CNTRL: variants seen among roughly 807,000 people sequenced by gnomAD.
The protein encoded by CNTRL is centriolin, also known as 110 kDa centrosomal protein.
A neutral mutation model predicts 303.7 loss-of-function variants in CNTRL; 233 were observed. That is an observed-to-expected ratio of 0.77 (90% CI 0.69 to 0.86). The LOEUF is 0.86. CNTRL is among the 40% of genes least tolerant of loss of function. The probability of loss-of-function intolerance (pLI) is 0.00; values close to 1 mark genes in which losing one functional copy is unlikely to be tolerated. For synonymous variants in CNTRL, 900 were observed against 922.2 expected, an observed-to-expected ratio of 0.98 and a Z score of 0.44; for missense variants, 2,524 against 2,650.6, an observed-to-expected ratio of 0.95 and a Z score of 1.05.
intron 6 of CNTRL, among the ~76,000 whole-genome samples, chr9:121,097,673 A>G (rs1483378827): frequency 6.6e-6 from 1 of 152,216 alleles, no homozygotes; most frequent in Non-Finnish European, 1.5e-5. Context: ...AGAGGTAGCC[A>G]TAGATCTAAA....
Position 121,140,718 on chromosome 9 carries a change from T to A in CNTRL, c.2415T>A (p.Arg805=). ...HLNHVVDGLV[R]PEEVAARVDE... is the part of the protein sequence containing the mutation. ...ACCATGTGGTTGATGGTTTGGTTCGTCCAGAAGAAGTGGCAGCTCGTGTGG... is the reference window on the plus strand; with the variant it reads ...ACCATGTGGTTGATGGTTTGGTTCGACCAGAAGAAGTGGCAGCTCGTGTGG... The change falls in exon 17 of 44, where the codon CGT becomes CGA. Residue 805 remains arginine, a synonymous_variant. Transcript: ENST00000373855. 1.2e-6 allele frequency: 2 copies of A among 1,613,708 alleles called. No homozygotes were observed. The highest frequency in any genetic ancestry group is 8.5e-7 in the Non-Finnish European group (1 of 1,179,718).
Position 121,077,970 on chromosome 9 carries a change from G to A in CNTRL, c.-204-2336G>A, listed in dbSNP as rs148229412. Among the ~76,000 whole-genome samples the A allele has an allele frequency of 9.9e-4, 150 of 151,648 alleles. 1 individual carries two copies. The East Asian group carries it at 0.022, about 22-fold the overall frequency. ...CAGGGGGGAAAAAAACGCCAACTAC[G>A]TACTATACATACTATAATAAATGTC... On this transcript the variant is annotated intron_variant, in intron 1 of 43. Transcript: ENST00000373855.
chr9:121,138,593 C>G lies in CNTRL; in HGVS notation c.2251C>G (p.Leu751Val). 5.6e-6 allele frequency: 9 copies of G among 1,613,912 alleles called. No homozygotes were observed. The highest frequency in any genetic ancestry group is 7.6e-6 in the Non-Finnish European group (9 of 1,179,846). Residue 751 changes from leucine (L) to valine (V), a missense_variant, in exon 16 of 44, where the codon CTC becomes GTC. Transcript: ENST00000373855. ...AGAACTTGAGAAGGAAAGGCAAGCCCTCAAGAATGCCCTTGGAAAAGCCCA... is the reference window on the plus strand; with the variant it reads ...AGAACTTGAGAAGGAAAGGCAAGCCGTCAAGAATGCCCTTGGAAAAGCCCA... ...QAELEKERQA[L>V]KNALGKAQFS... is the part of the protein sequence containing the mutation.
rs200345652 is a variant in CNTRL, at chr9:121,158,154, A to G, written c.4764+45A>G. 3.3e-5 allele frequency: 53 copies of G among 1,596,754 alleles called. No individual in the cohort carries two copies. The East Asian group carries it at 1.1e-3, about 34-fold the overall frequency. On this transcript the variant is annotated intron_variant, in intron 30 of 43. Transcript: ENST00000373855. ...GAAAAAACAACTGACACAGCACTTT[A>G]TGATTATAAAAGTAATACATGTTTA...
chr9:121,140,623 T>C lies in CNTRL; in HGVS notation c.2338-18T>C, dbSNP rs201264659. On this transcript the variant is annotated intron_variant, in intron 16 of 43. Transcript: ENST00000373855. The stretch of plus-strand genomic sequence containing the variant: ...GCTGGCATGTAATAGATAATCCCTA[T>C]TTCATCCCCCTCCATAGGATGACAA... 2,038 of 1,596,548 alleles carry C rather than the reference T, an allele frequency of 1.3e-3. 26 individuals are homozygous for C. Among genetic ancestry groups the C allele is most frequent in the South Asian group, 5.0e-3 (442 of 88,944 alleles).
At chr9:121,082,488 T>TGTATTTGTCTCTGTGTCCCAGA (rs1425021934) in intron 2 of CNTRL, among the ~76,000 whole-genome samples, 2 of 152,246 alleles carry the variant, frequency 1.3e-5, no homozygotes, top group Non-Finnish European at 2.9e-5. Context: ...TGTCCCTTAA[T>TGTATTTGTCTCTGTGTCCCAGA]GACAGAATTT....
rs537212879 is a variant in CNTRL at position 121,096,968 on chromosome 9, G to GTT, written c.621+417_621+418dup. ...CTGAATGCCTAGAAGAAAGTTCTGG[G>GTT]TTTTTTTTTTTTTGACAGTATTAAC... On this transcript the variant is annotated intron_variant, in intron 6 of 43. Coordinates refer to ENST00000373855, the MANE Select transcript of CNTRL (RefSeq NM_007018.6). 3.9e-3 allele frequency among the ~76,000 whole-genome samples: 552 copies of GTT among 142,748 alleles called. 2 individuals carry two copies. Among genetic ancestry groups the GTT allele is most frequent in the African/African-American group, 0.013 (507 of 39,128 alleles). 93.6% of individuals were successfully genotyped at this position (142,748 alleles called of 152,430 possible). A position where few individuals can be genotyped will look rare whatever the true frequency, so the allele number is the denominator to read the frequency against.
intron 2 of CNTRL, among the ~76,000 whole-genome samples, chr9:121,086,863 G>A (rs996038551): frequency 3.3e-5 from 5 of 152,092 alleles, no homozygotes; most frequent in African/African-American, 1.2e-4. Flanking sequence ...ATGTTGGCCA[G>A]GCTGGTCTCA....
intron 8 of CNTRL, among the ~76,000 whole-genome samples, chr9:121,108,452 A>G (rs2049586828): frequency 6.6e-6 from 1 of 152,156 alleles, no homozygotes; most frequent in Admixed American, 6.6e-5. Context: ...ACTATCCCAA[A>G]ACTATGAACT....
rs190880982 is a variant in CNTRL, at chr9:121,085,322, T to C, written c.-31-2974T>C. On this transcript the variant is annotated intron_variant, in intron 2 of 43. Coordinates refer to ENST00000373855, the MANE Select transcript of CNTRL (RefSeq NM_007018.6). Reference sequence around the variant, plus strand: ...ATATTCTGTTTCTTTACCTGGATGCTGATTACATAGCTTGTGTTCACTGCA... The same window carrying C: ...ATATTCTGTTTCTTTACCTGGATGCCGATTACATAGCTTGTGTTCACTGCA... Among the ~76,000 whole-genome samples the C allele has an allele frequency of 9.8e-5, 15 of 152,352 alleles. 1 individual carries two copies. The highest frequency in any genetic ancestry group is 9.1e-4 in the Admixed American group (14 of 15,310).
In CNTRL at chr9:121,169,755, AG is replaced by A; in HGVS notation, c.6217del (p.Val2073TrpfsTer4). The A allele has an allele frequency of 6.2e-7, 1 of 1,614,218 alleles. No individual in the cohort carries two copies. The highest frequency in any genetic ancestry group is 8.5e-7 in the Non-Finnish European group (1 of 1,180,030). On this transcript the variant is annotated frameshift_variant, in exon 39 of 44. Transcript: ENST00000373855. LOFTEE classifies it high-confidence loss of function. Reference protein sequence around the residue: ...FLTERKKAEKQVASLKEALKI... With the variant: ...FLTERKKAEKXVASLKEALKI... The stretch of plus-strand genomic sequence containing the variant: ...ACAGAAAGAAAGAAAGCTGAGAAGC[AG>A]GTGGCCAGCCTGAAGGAAGCACTTA...
At chr9:121,106,286 C>T (rs2049464879) in intron 7 of CNTRL, among the ~76,000 whole-genome samples, 1 of 149,556 alleles carries the variant, frequency 6.7e-6, no homozygotes, top group Non-Finnish European at 1.5e-5. Context: ...CTGCAGTGAG[C>T]CGAGGTCATC....
At chr9:121,176,132 A>C (rs965849793) in intron 43 of CNTRL, among the ~76,000 whole-genome samples, 1 of 152,196 alleles carries the variant, frequency 6.6e-6, no homozygotes, top group East Asian at 1.9e-4. Flanking sequence ...AACTTTATAT[A>C]TATCATCTAA....
At chr9:121,103,870 G>A (rs1252548218) in intron 7 of CNTRL, among the ~76,000 whole-genome samples, 3 of 152,154 alleles carry the variant, frequency 2.0e-5, no homozygotes, top group African/African-American at 7.2e-5. Flanking sequence ...AAAAAGCCAG[G>A]AAACAACAGG....
rs2051689507 is a variant in CNTRL, at chr9:121,144,102, A to G, written c.3051+20A>G. On this transcript the variant is annotated intron_variant, in intron 20 of 43. Transcript: ENST00000373855. The stretch of plus-strand genomic sequence containing the variant: ...GCAGAGGTGAGTTCACATGTACAGA[A>G]CAGGTTTCCATCAATGATGCTGCTG... 6.4e-7 allele frequency: 1 copy of G among 1,565,034 alleles called. No homozygotes were observed. Among genetic ancestry groups the G allele is most frequent in the Non-Finnish European group, 8.7e-7 (1 of 1,155,924 alleles).
At chr9:121,098,974 T>C (rs2049012961) in intron 7 of CNTRL, among the ~76,000 whole-genome samples, 1 of 152,184 alleles carries the variant, frequency 6.6e-6, no homozygotes, top group South Asian at 2.1e-4. Context: ...AGGGAGCAGC[T>C]TGTTCTTTGA....
intron 34 of CNTRL, among the ~76,000 whole-genome samples, chr9:121,163,331 AT>A (rs2052943882): frequency 2.4e-5 from 3 of 123,956 alleles, no homozygotes; most frequent in African/African-American, 1.0e-4. Context: ...AAAAAAAAAT[AT>A]ATATATATAT....
intron 38 of CNTRL, among the ~76,000 whole-genome samples, chr9:121,168,699 G>T (rs1270153193): frequency 6.6e-6 from 1 of 152,154 alleles, no homozygotes; most frequent in African/African-American, 2.4e-5. Flanking sequence ...GTCCAGATTT[G>T]GCATAGTGAA....
intron 4 of CNTRL, 101 bp downstream of exon 4, chr9:121,090,506 G>C: frequency 9.0e-7 from 1 of 1,112,022 alleles, no homozygotes; most frequent in Non-Finnish European, 1.3e-6. Flanking sequence ...ATTTGTGGCA[G>C]ACCTTTTATT....
Sources: gnomAD v4.1 joint callset for allele counts (sites outside exome capture counted in the v4.1 genomes callset) on GRCh38, gnomAD v4.1.1 for gene constraint, MANE v1.5 for transcripts, NCBI Gene and HGNC (gene_info 2026-07-23, HGNC 2026-07-21) for gene names.